Variants in KCNN2 observed in about 807,000 individuals in gnomAD.
The protein encoded by KCNN2 is potassium calcium-activated channel subfamily N member 2.
In KCNN2, 24 loss-of-function variants were observed where a neutral mutation model predicts 55.5. That is an observed-to-expected ratio of 0.43 (90% CI 0.31 to 0.61). KCNN2 has a LOEUF of 0.61. Among genes scored for constraint, KCNN2 ranks in the 20% least tolerant of loss-of-function variants. The pLI, the probability that KCNN2 is intolerant of heterozygous loss-of-function variation, is 0.08. For synonymous variants in KCNN2, 431 were observed against 336.1 expected (o/e 1.28, Z -3.09); for missense variants, 754 against 853.6 (o/e 0.88, Z 1.45).
At chr5:114,366,615 A>G (rs962648557) in intron 2 of KCNN2, among the ~76,000 whole-genome samples, 6 of 152,132 alleles carry the variant, frequency 3.9e-5, no homozygotes, top group African/African-American at 1.4e-4. Flanking sequence ...GAAGAGCGTC[A>G]GCAGGGCTGT....
chr5:114,190,097 G>A (rs1753420864), intron 1 of KCNN2, among the ~76,000 whole-genome samples: 1 of 152,036 alleles, frequency 6.6e-6, no homozygotes, highest in South Asian at 2.1e-4. Flanking sequence ...TAAAATATTT[G>A]TAGCTACCAC....
At chr5:114,114,518 C>T (rs745585619) in intron 1 of KCNN2, among the ~76,000 whole-genome samples, 16 of 152,172 alleles carry the variant, frequency 1.1e-4, no homozygotes, top group Non-Finnish European at 1.9e-4. Context: ...GAGTTATAGG[C>T]GTAAGCTTTT....
At chr5:114,386,378 A>C (rs956647934) in intron 2 of KCNN2, among the ~76,000 whole-genome samples, 2 of 151,822 alleles carry the variant, frequency 1.3e-5, no homozygotes. Context: ...AGGGGCTGGT[A>C]TATGATATAA....
intron 1 of KCNN2, among the ~76,000 whole-genome samples, chr5:114,102,792 C>A (rs1751398999): frequency 6.6e-6 from 1 of 152,106 alleles, no homozygotes; most frequent in African/African-American, 2.4e-5. Context: ...TTCCATTGCT[C>A]TATATATCTG....
At position 114,470,716 on chromosome 5, in the gene KCNN2, T is replaced by C. The variant is rs540455875; in HGVS notation, c.1780-2338T>C. ...CTGCCTTTACTTTCCTTGTTTATCG[T>C]GTCTTCATAAGTCAGTCAAATGACT... On this transcript the variant is annotated intron_variant, in intron 4 of 7. Coordinates refer to ENST00000673685, the MANE Select transcript of KCNN2 (RefSeq NM_021614.4). Among the ~76,000 whole-genome samples, 102 of 152,232 alleles carry C rather than the reference T, an allele frequency of 6.7e-4. 1 individual carries two copies. The highest frequency in any genetic ancestry group is 1.6e-4 in the Non-Finnish European group (11 of 68,034).
intron 1 of KCNN2, among the ~76,000 whole-genome samples, chr5:114,092,921 C>T (rs62381844): frequency 0.048 from 7,320 of 152,228 alleles, 237 homozygotes; most frequent in Middle Eastern, 0.099. Flanking sequence ...GAAGGGCTGC[C>T]GTGAAGACCT....
intron 4 of KCNN2, among the ~76,000 whole-genome samples, chr5:114,465,882 G>A (rs1482405886): frequency 2.0e-5 from 3 of 152,184 alleles, no homozygotes; most frequent in Non-Finnish European, 4.4e-5. Context: ...GCTCTGTAGA[G>A]TTGGATTATC....
chr5:114,330,906 T>C (rs563273652), intron 2 of KCNN2, among the ~76,000 whole-genome samples: 1 of 152,316 alleles, frequency 6.6e-6, no homozygotes, highest in East Asian at 1.9e-4. Context: ...CAAAAAAAAT[T>C]AGCAGGGGTT....
chr5:114,269,412 T>C lies in KCNN2; in HGVS notation c.-185+47847T>C, dbSNP rs543292478. Among the ~76,000 whole-genome samples the C allele has an allele frequency of 2.3e-4, 35 of 152,130 alleles. No homozygotes were observed. The South Asian group carries it at 6.2e-3, about 27-fold the overall frequency. On this transcript the variant is annotated intron_variant, in intron 2 of 10. Coordinates refer to the KCNN2 transcript ENST00000512097. ...TGGCCTTTCCTGAAATGAACATAGG[T>C]AAAGGGGTTTCTCTAAAGTTCTTAG...
At chr5:114,060,519 C>T (rs1187985421) in intron 1 of KCNN2, among the ~76,000 whole-genome samples, 1 of 152,150 alleles carries the variant, frequency 6.6e-6, no homozygotes, top group Non-Finnish European at 1.5e-5. Flanking sequence ...TTGAGGTGAT[C>T]AAGATGAGAC....
chr5:114,056,215 G>T (rs1750202875), exon 1 of KCNN2: 1 of 395,266 alleles, frequency 2.5e-6, no homozygotes, highest in Non-Finnish European at 4.5e-6. Context: ...CCGCGCCCGC[G>T]CCCCGGAGCT....
At chr5:114,279,710 G>T (rs557383834) in intron 2 of KCNN2, among the ~76,000 whole-genome samples, 1 of 152,140 alleles carries the variant, frequency 6.6e-6, no homozygotes, top group East Asian at 1.9e-4. Flanking sequence ...TGATGGACAT[G>T]TGGGTTGGTT....
intron 1 of KCNN2, among the ~76,000 whole-genome samples, chr5:114,060,103 G>A (rs1021734741): frequency 1.3e-5 from 2 of 152,248 alleles, no homozygotes; most frequent in African/African-American, 4.8e-5. Flanking sequence ...GAAAATGGTT[G>A]CTAAGGCATT....
chr5:114,159,709 ACTT>A (rs1752723314), intron 1 of KCNN2, among the ~76,000 whole-genome samples: 1 of 152,084 alleles, frequency 6.6e-6, no homozygotes, highest in African/African-American at 2.4e-5. Context: ...CAGAGATTCA[ACTT>A]CTTCCTGGTT....
intron 2 of KCNN2, among the ~76,000 whole-genome samples, chr5:114,384,834 G>A (rs1434443378): frequency 6.6e-6 from 1 of 152,140 alleles, no homozygotes; most frequent in Non-Finnish European, 1.5e-5. Flanking sequence ...GACTGGAGAG[G>A]GAAGGGAGTG....
chr5:114,171,676 A>G (rs899306847), intron 1 of KCNN2, among the ~76,000 whole-genome samples: 42 of 57,566 alleles, frequency 7.3e-4, no homozygotes, highest in African/African-American at 2.0e-3. Context: ...CTTTTCTTAT[A>G]TGCTTTTTTT....
At chr5:114,154,247 C>G (rs1752583660) in intron 1 of KCNN2, among the ~76,000 whole-genome samples, 2 of 151,980 alleles carry the variant, frequency 1.3e-5, no homozygotes, top group South Asian at 4.1e-4. Context: ...AAGGGAAAAC[C>G]CTGAGAAATA....
At position 114,280,226 on chromosome 5, in the gene KCNN2, A is replaced by C. The variant is rs1396640407; in HGVS notation, c.-185+58661A>C. Among the ~76,000 whole-genome samples the C allele has an allele frequency of 3.9e-5, 6 of 152,250 alleles. No homozygotes were observed. The East Asian group carries it at 1.2e-3, about 29-fold the overall frequency. The stretch of plus-strand genomic sequence containing the variant: ...CCCTTTGTCAGATGGGTAGATTGTA[A>C]AAATTTTCTCCTATTCTGTAGGTTG... On this transcript the variant is annotated intron_variant, in intron 2 of 10. Coordinates refer to the KCNN2 transcript ENST00000512097.
At chr5:114,386,302 T>G (rs1758284140) in intron 2 of KCNN2, among the ~76,000 whole-genome samples, 1 of 152,148 alleles carries the variant, frequency 6.6e-6, no homozygotes, top group African/African-American at 2.4e-5. Context: ...TACACAGATT[T>G]TTCTCCCCTT....
Sources: allele counts gnomAD v4.1 joint callset (sites outside exome capture counted in the v4.1 genomes callset), GRCh38; gene constraint gnomAD v4.1.1; transcripts MANE v1.5; gene names NCBI Gene and HGNC (gene_info 2026-07-23, HGNC 2026-07-21).